Variants in ATRNL1 observed in about 807,000 individuals in gnomAD.
ATRNL1 encodes attractin like 1.
In ATRNL1, 95 loss-of-function variants were observed where a neutral mutation model predicts 182.7. The observed-to-expected ratio is 0.52, with a 90% CI of 0.44 to 0.62. ATRNL1 has a LOEUF of 0.62. Among genes scored for constraint, ATRNL1 ranks in the 20% least tolerant of loss-of-function variants. The pLI is 0.00. For synonymous variants in ATRNL1, 576 were observed against 568.3 expected (o/e 1.01, Z -0.19); for missense variants, 1,471 against 1,679.5 (o/e 0.88, Z 2.17).
intron 10 of ATRNL1, among the ~76,000 whole-genome samples, chr10:115,249,942 T>C (rs1554905053): frequency 6.6e-6 from 1 of 152,230 alleles, no homozygotes; most frequent in Non-Finnish European, 1.5e-5. Context: ...TGGTTTAGAC[T>C]ACTTGTAAAC....
chr10:115,505,457 GA>G (rs1415723502), intron 24 of ATRNL1, among the ~76,000 whole-genome samples: 2 of 152,108 alleles, frequency 1.3e-5, no homozygotes, highest in Non-Finnish European at 2.9e-5. Flanking sequence ...TTTAAGAGCT[GA>G]GACAAACTTG....
chr10:115,424,908 T>C (rs1036038993), intron 20 of ATRNL1, among the ~76,000 whole-genome samples: 3 of 152,098 alleles, frequency 2.0e-5, no homozygotes, highest in Non-Finnish European at 4.4e-5. Flanking sequence ...TTTCTAAAAC[T>C]AGAAAACTAC....
At chr10:115,442,775 C>T (rs1169227806) in intron 21 of ATRNL1, among the ~76,000 whole-genome samples, 1 of 152,064 alleles carries the variant, frequency 6.6e-6, no homozygotes, top group Non-Finnish European at 1.5e-5. Flanking sequence ...TTGGCTTTCT[C>T]TTCTATTAAT....
chr10:115,351,824 C>T (rs1856272121), intron 19 of ATRNL1, among the ~76,000 whole-genome samples: 1 of 151,854 alleles, frequency 6.6e-6, no homozygotes. Context: ...CAGGATAATG[C>T]TGGCCAGTAG....
intron 27 of ATRNL1, among the ~76,000 whole-genome samples, chr10:115,820,957 T>A (rs957017358): frequency 6.6e-6 from 1 of 152,092 alleles, no homozygotes; most frequent in African/African-American, 2.4e-5. Context: ...GTTCTGATGA[T>A]AGTGGGTGAG....
chr10:115,586,880 TG>T lies in ATRNL1; in HGVS notation c.3795+37346del, dbSNP rs1158990368. Among the ~76,000 whole-genome samples, 2 of 111,942 alleles carry T rather than the reference TG, an allele frequency of 1.8e-5. 1 individual carries two copies. The highest frequency in any genetic ancestry group is 4.0e-5 in the Non-Finnish European group (2 of 50,334). 73.4% of individuals were successfully genotyped at this position (111,942 alleles called of 152,430 possible). On this transcript the variant is annotated intron_variant, in intron 26 of 28. Transcript: ENST00000355044. ...CTGCTCTGTTTTTTCCGCATCTTTGTGGTTTTATCTACTTTTGGTCTATGAT... is the reference window on the plus strand; with the variant it reads ...CTGCTCTGTTTTTTCCGCATCTTTGTGTTTTATCTACTTTTGGTCTATGAT...
chr10:115,876,236 C>T (rs1172512310), intron 28 of ATRNL1, among the ~76,000 whole-genome samples: 3 of 150,124 alleles, frequency 2.0e-5, no homozygotes, highest in Non-Finnish European at 4.5e-5. Flanking sequence ...TGGGAAGACA[C>T]TTACCCTTTC....
chr10:115,182,936 A>G (rs1470432264), intron 8 of ATRNL1, among the ~76,000 whole-genome samples: 1 of 151,500 alleles, frequency 6.6e-6, no homozygotes, highest in African/African-American at 2.4e-5. Context: ...AATCTAAACA[A>G]CATAACTAAT....
At chr10:115,832,625 G>T (rs1449771915) in intron 27 of ATRNL1, among the ~76,000 whole-genome samples, 2 of 152,178 alleles carry the variant, frequency 1.3e-5, no homozygotes, top group Non-Finnish European at 2.9e-5. Context: ...ATTATGATAA[G>T]TCTGAGTCCA....
chr10:115,824,713 A>G (rs1408387286), intron 27 of ATRNL1, among the ~76,000 whole-genome samples: 7 of 152,214 alleles, frequency 4.6e-5, no homozygotes, highest in Admixed American at 3.9e-4. Context: ...TCAAAACCAC[A>G]ATGAGATACC....
intron 26 of ATRNL1, among the ~76,000 whole-genome samples, chr10:115,550,772 A>C (rs1852936935): frequency 6.6e-6 from 1 of 151,820 alleles, no homozygotes; most frequent in Non-Finnish European, 1.5e-5. Context: ...AAAATTATAG[A>C]TTCAGGAAGG....
At chr10:115,918,438 T>C (rs931491923) in intron 28 of ATRNL1, among the ~76,000 whole-genome samples, 2 of 152,204 alleles carry the variant, frequency 1.3e-5, no homozygotes, top group African/African-American at 4.8e-5. Flanking sequence ...TAAGTAGTTG[T>C]ACAGATCTAG....
chr10:115,240,045 G>A (rs1481563639), intron 9 of ATRNL1, among the ~76,000 whole-genome samples: 1 of 152,116 alleles, frequency 6.6e-6, no homozygotes, highest in African/African-American at 2.4e-5. Flanking sequence ...GCAGGCGTGA[G>A]GGGGTTGGGG....
At chr10:115,216,585 ATAT>A (rs1263580429) in intron 9 of ATRNL1, among the ~76,000 whole-genome samples, 3 of 152,014 alleles carry the variant, frequency 2.0e-5, no homozygotes, top group Admixed American at 6.6e-5. Flanking sequence ...TATGTTTGAA[ATAT>A]TATTAATTAA....
chr10:115,728,874 T>G (rs954606294), intron 27 of ATRNL1, among the ~76,000 whole-genome samples: 2 of 152,198 alleles, frequency 1.3e-5, no homozygotes, highest in Non-Finnish European at 1.5e-5. Flanking sequence ...TTACAGCAAG[T>G]GCTCTAATTT....
At chr10:115,426,853 TA>T (rs1845924702) in intron 21 of ATRNL1, among the ~76,000 whole-genome samples, 1 of 152,136 alleles carries the variant, frequency 6.6e-6, no homozygotes, top group African/African-American at 2.4e-5. Flanking sequence ...GCCTCCCAAG[TA>T]GCTGGGATTA....
chr10:115,628,611 T>C (rs1858267679), intron 26 of ATRNL1, among the ~76,000 whole-genome samples: 1 of 152,200 alleles, frequency 6.6e-6, no homozygotes, highest in East Asian at 1.9e-4. Context: ...TTTTCTTTTG[T>C]TGCTTGCGCT....
chr10:115,660,335 T>C (rs1352735128), intron 26 of ATRNL1, among the ~76,000 whole-genome samples: 1 of 151,940 alleles, frequency 6.6e-6, no homozygotes. Context: ...GTCAACGAAA[T>C]AGAGAAGGTG....
chr10:115,788,379 A>C (rs2134205478), intron 27 of ATRNL1, among the ~76,000 whole-genome samples: 1 of 151,832 alleles, frequency 6.6e-6, no homozygotes, highest in South Asian at 2.1e-4. Context: ...CCCTCTGTAA[A>C]CATTCATATT....
Sources: allele counts gnomAD v4.1 joint callset (sites outside exome capture counted in the v4.1 genomes callset), GRCh38; gene constraint gnomAD v4.1.1; transcripts MANE v1.5; gene names NCBI Gene and HGNC (gene_info 2026-07-23, HGNC 2026-07-21).